Variants in RCOR3 observed in about 807,000 individuals in gnomAD.
RCOR3 encodes REST corepressor 3.
RCOR3 carries 13 observed loss-of-function variants against 64.1 expected under a neutral mutation model. The ratio of observed to expected loss-of-function variants is 0.20; its 90% CI spans 0.13 to 0.32. RCOR3 has a LOEUF of 0.32. RCOR3 is among the 10% of genes least tolerant of loss of function. RCOR3 has a pLI of 1.00. For missense variants in RCOR3, 489 were observed against 701.2 expected, an observed-to-expected ratio of 0.70 and a Z score of 3.42; for synonymous variants, 215 against 239.0, an observed-to-expected ratio of 0.90 and a Z score of 0.93.
intron 2 of RCOR3, among the ~76,000 whole-genome samples, chr1:211,266,819 G>A: frequency 6.6e-6 from 1 of 152,338 alleles, no homozygotes. Context: ...CCAAGAGGTA[G>A]ATAAGTTATT....
Position 211,271,323 on chromosome 1 carries a change from A to C in RCOR3, c.301+14A>C, listed in dbSNP as rs538753177. ...CAGATGCCAAATGTAAGTTTTCTGA[A>C]GTTGAATGTTAATGTCAGCAGGAGT... On this transcript the variant is annotated intron_variant, in intron 3 of 11. Transcript: ENST00000419091. 6.2e-7 allele frequency: 1 copy of C among 1,606,134 alleles called. No individual in the cohort carries two copies. The highest frequency in any genetic ancestry group is 2.2e-5 in the East Asian group (1 of 44,828).
chr1:211,271,694 A>G, intron 3 of RCOR3: 3 of 350,966 alleles, frequency 8.5e-6, no homozygotes, highest in South Asian at 4.6e-5. Flanking sequence ...ACCATTTTAA[A>G]GAGGAAAGGG....
chr1:211,271,446 A>ATT, intron 3 of RCOR3, 137 bp downstream of exon 3: 17 of 585,574 alleles, frequency 2.9e-5, no homozygotes, highest in South Asian at 4.7e-5. Flanking sequence ...TTATTTTTTT[A>ATT]TTTTTTTTTT....
At chr1:211,293,451 T>C (rs1423361650) in intron 8 of RCOR3, among the ~76,000 whole-genome samples, 1 of 152,248 alleles carries the variant, frequency 6.6e-6, no homozygotes, top group Non-Finnish European at 1.5e-5. Context: ...CTAAGCGTTA[T>C]TCTGCCTGGA....
In RCOR3 at chr1:211,283,821, T is replaced by TA. The variant is rs577929554; in HGVS notation, c.720+4505_720+4506insA. ...AGCATGCCTGGCTTGTATTTTTTTT[T>TA]TTTTTCACCCATTTTTCCACTGCGT... On this transcript the variant is annotated intron_variant, in intron 7 of 11. Coordinates refer to ENST00000419091, the MANE Select transcript of RCOR3 (RefSeq NM_001136223.3). 4.4e-3 allele frequency among the ~76,000 whole-genome samples: 662 copies of TA among 151,624 alleles called. 5 individuals carry two copies. Among genetic ancestry groups the TA allele is most frequent in the Non-Finnish European group, 6.2e-3 (420 of 67,870 alleles).
At chr1:211,291,243 C>T (rs1216861154) in intron 8 of RCOR3, among the ~76,000 whole-genome samples, 38 of 152,052 alleles carry the variant, frequency 2.5e-4, no homozygotes, top group Non-Finnish European at 8.8e-5. Flanking sequence ...AACTTTATCA[C>T]AGGTATGTAT....
At chr1:211,279,465 A>G in intron 7 of RCOR3, 149 bp downstream of exon 7, 2 of 527,128 alleles carry the variant, frequency 3.8e-6, no homozygotes, top group Non-Finnish European at 6.8e-6. Context: ...TCATACCTAG[A>G]ACCCCAGTTA....
chr1:211,314,061 G>T lies in RCOR3; in HGVS notation c.*293G>T. 1 of 294,886 alleles carries T rather than the reference G, an allele frequency of 3.4e-6. No homozygotes were observed. The highest frequency in any genetic ancestry group is 6.7e-5 in the South Asian group (1 of 14,984). 18.3% of individuals were successfully genotyped at this position (294,886 alleles called of 1,614,324 possible). On this transcript the variant is annotated 3_prime_UTR_variant, in exon 12 of 12. Coordinates refer to ENST00000419091, the MANE Select transcript of RCOR3 (RefSeq NM_001136223.3). ...TAAGTATTCTATATACCAAGTTTTT[G>T]TTTTGTTTTTACTGTATTTATTTTA...
chr1:211,259,794 T>A (rs1202668559), intron 1 of RCOR3, 68 bp downstream of exon 1: 1 of 753,176 alleles, frequency 1.3e-6, no homozygotes, highest in Non-Finnish European at 1.6e-6. Flanking sequence ...CCCAGCCCCC[T>A]CCCCTCGCCG....
intron 2 of RCOR3, chr1:211,267,869 A>G (rs1695467199): frequency 2.6e-6 from 1 of 388,764 alleles, no homozygotes; most frequent in Non-Finnish European, 5.0e-6. Flanking sequence ...CTGGGATTAT[A>G]GGTAAGAGCC....
At chr1:211,275,523 A>G (rs556856707) in intron 4 of RCOR3, among the ~76,000 whole-genome samples, 138 of 152,248 alleles carry the variant, frequency 9.1e-4, no homozygotes, top group African/African-American at 3.2e-3. Flanking sequence ...AAGTTCCTAT[A>G]TCTCTTGGAA....
intron 2 of RCOR3, among the ~76,000 whole-genome samples, chr1:211,264,354 A>C (rs181600804): frequency 6.6e-6 from 1 of 152,318 alleles, no homozygotes; most frequent in East Asian, 1.9e-4. Flanking sequence ...TTATTGGAAA[A>C]GGTGATACTG....
chr1:211,264,521 A>G (rs1694873259), intron 2 of RCOR3, among the ~76,000 whole-genome samples: 1 of 151,826 alleles, frequency 6.6e-6, no homozygotes, highest in Admixed American at 6.6e-5. Context: ...GTCTCCACAA[A>G]AAATTCAAAA....
At chr1:211,287,254 G>GT (rs1386917398) in intron 7 of RCOR3, among the ~76,000 whole-genome samples, 1 of 152,074 alleles carries the variant, frequency 6.6e-6, no homozygotes, top group Non-Finnish European at 1.5e-5. Flanking sequence ...GAGCAGGAGT[G>GT]TTTTTTTCCT....
chr1:211,312,956 G>A lies in RCOR3; in HGVS notation c.1312G>A (p.Glu438Lys), dbSNP rs770820203. 4 of 1,614,204 alleles carry A rather than the reference G, an allele frequency of 2.5e-6. No individual in the cohort carries two copies. Among genetic ancestry groups the A allele is most frequent in the Admixed American group, 3.3e-5 (2 of 60,028 alleles). Residue 438 changes from glutamate to lysine, a missense_variant, in exon 11 of 12, where the codon GAG becomes AAG. By Grantham distance (56) the Glu-to-Lys change is moderately conservative (BLOSUM62 1). Coordinates refer to ENST00000419091, the MANE Select transcript of RCOR3 (RefSeq NM_001136223.3). The surrounding 1 kb of genome is among the most constrained non-coding windows in gnomAD (Gnocchi z 5.0). ...VPSGKSTDEE[E>K]EAQTPQAPRT... is the part of the protein sequence containing the mutation. The stretch of plus-strand genomic sequence containing the variant: ...ATCAGGGAAGAGCACTGATGAAGAA[G>A]AGGAGGTGTGTTTGTGTATGGAATT...
At chr1:211,279,386 G>A (rs3767378) in intron 7 of RCOR3, 70 bp downstream of exon 7, 680,000 of 1,180,916 alleles carry the variant, frequency 0.58, 202,444 homozygotes, top group East Asian at 0.61. Context: ...ACAGTACTTC[G>A]TATTAAGAAA....
In RCOR3 at chr1:211,260,048, C is replaced by G. The variant is rs977231578; in HGVS notation, c.167-60C>G. 1.1e-5 allele frequency: 17 copies of G among 1,500,622 alleles called. No individual in the cohort carries two copies. In the East Asian group the frequency reaches 3.8e-4, roughly 33 times the overall value. 93.0% of individuals were successfully genotyped at this position (1,500,622 alleles called of 1,614,324 possible). A position where few individuals can be genotyped will look rare whatever the true frequency, so the allele number is the denominator to read the frequency against. On this transcript the variant is annotated intron_variant, in intron 1 of 11. Coordinates refer to ENST00000419091, the MANE Select transcript of RCOR3 (RefSeq NM_001136223.3). ...ATTTTTATTTTTTAAGTGTCTCTTCCTTTTTCTTTCTTTTCTTCTTTTTTA... is the reference window on the plus strand; with the variant it reads ...ATTTTTATTTTTTAAGTGTCTCTTCGTTTTTCTTTCTTTTCTTCTTTTTTA...
intron 6 of RCOR3, among the ~76,000 whole-genome samples, chr1:211,278,784 G>A (rs1440700439): frequency 6.6e-6 from 1 of 150,842 alleles, no homozygotes; most frequent in African/African-American, 2.5e-5. Context: ...ACAGAAATCT[G>A]AATTAAAAGC....
chr1:211,278,880 C>G (rs1377520627), intron 6 of RCOR3, among the ~76,000 whole-genome samples: 1 of 151,982 alleles, frequency 6.6e-6, no homozygotes, highest in Non-Finnish European at 1.5e-5. Flanking sequence ...GATAAGAGCA[C>G]TAGAATACAA....
Sources: allele counts gnomAD v4.1 joint callset (sites outside exome capture counted in the v4.1 genomes callset), GRCh38; gene constraint gnomAD v4.1.1; non-coding constraint Gnocchi (gnomAD v3.1); transcripts MANE v1.5; gene names NCBI Gene and HGNC (gene_info 2026-07-23, HGNC 2026-07-21).